Variants in MECOM observed in about 807,000 individuals in gnomAD.
MECOM encodes the protein MDS1 and EVI1 complex locus.
Under a neutral mutation model 116.3 loss-of-function variants are expected in MECOM, and 13 were observed. The observed-to-expected ratio is 0.11, with a 90% confidence interval of 0.07 to 0.18. MECOM has a LOEUF of 0.18. Among genes scored for constraint, MECOM ranks in the 10% least tolerant of loss-of-function variants. The pLI, the probability that MECOM is intolerant of heterozygous loss-of-function variation, is 1.00. For missense variants in MECOM, 1,299 were observed against 1,509.0 expected, an observed-to-expected ratio of 0.86 and a Z score of 2.31; for synonymous variants, 528 against 535.2, an observed-to-expected ratio of 0.99 and a Z score of 0.19.
chr3:169,395,055 A>T (rs1384465675), intron 1 of MECOM, among the ~76,000 whole-genome samples: 1 of 152,226 alleles, frequency 6.6e-6, no homozygotes, highest in African/African-American at 2.4e-5. Flanking sequence ...TATATACAAA[A>T]CAAATGAGCA....
chr3:169,095,583 AT>A (rs974529350), intron 12 of MECOM, among the ~76,000 whole-genome samples: 3 of 152,118 alleles, frequency 2.0e-5, no homozygotes, highest in African/African-American at 7.2e-5. Context: ...AATACAACTA[AT>A]TTTTTTGTAA....
chr3:169,287,506 AAAAC>A (rs1484667332), intron 2 of MECOM, among the ~76,000 whole-genome samples: 1 of 152,202 alleles, frequency 6.6e-6, no homozygotes, highest in Non-Finnish European at 1.5e-5. Context: ...AAAAAAATAA[AAAAC>A]AAAGCATAAT....
At chr3:169,483,424 A>G (rs925627717) in intron 1 of MECOM, among the ~76,000 whole-genome samples, 4 of 143,964 alleles carry the variant, frequency 2.8e-5, no homozygotes, top group Non-Finnish European at 3.0e-5. Flanking sequence ...TGCCTCCCCA[A>G]TGGCTGTCAG....
intron 1 of MECOM, among the ~76,000 whole-genome samples, chr3:169,442,798 G>A (rs760450529): frequency 6.6e-6 from 1 of 152,126 alleles, no homozygotes; most frequent in South Asian, 2.1e-4. Flanking sequence ...CACCACCATC[G>A]ATGAGGTTTT....
chr3:169,294,151 T>C (rs540249905), intron 2 of MECOM, among the ~76,000 whole-genome samples: 4 of 152,114 alleles, frequency 2.6e-5, no homozygotes, highest in Non-Finnish European at 5.9e-5. Context: ...AGTTGATTAG[T>C]GAGTTTTTTT....
intron 2 of MECOM, among the ~76,000 whole-genome samples, chr3:169,294,947 T>C (rs1185731784): frequency 6.6e-6 from 1 of 152,126 alleles, no homozygotes; most frequent in Admixed American, 6.6e-5. Flanking sequence ...TTTCCTCCAT[T>C]TGCTCTGATA....
intron 1 of MECOM, chr3:169,623,787 C>T (rs1236012081): frequency 6.6e-6 from 1 of 151,720 alleles, no homozygotes; most frequent in African/African-American, 2.4e-5. Flanking sequence ...AAAATGCTGT[C>T]TCCTAAAACA....
chr3:169,435,348 C>T (rs1742464027), intron 1 of MECOM, among the ~76,000 whole-genome samples: 2 of 152,094 alleles, frequency 1.3e-5, no homozygotes, highest in South Asian at 2.1e-4. Context: ...GGTGTACTAT[C>T]GGCTCATACA....
chr3:169,212,297 G>A (rs1377580293), intron 2 of MECOM, among the ~76,000 whole-genome samples: 1 of 151,932 alleles, frequency 6.6e-6, no homozygotes, highest in Non-Finnish European at 1.5e-5. Flanking sequence ...ATCAGATCAT[G>A]CCATCCCCTG....
At chr3:169,318,110 A>G (rs925402148) in intron 2 of MECOM, among the ~76,000 whole-genome samples, 1 of 152,200 alleles carries the variant, frequency 6.6e-6, no homozygotes, top group East Asian at 1.9e-4. Flanking sequence ...CACCTTACAC[A>G]AAGATTAACT....
intron 1 of MECOM, among the ~76,000 whole-genome samples, chr3:169,622,748 T>C (rs1332110271): frequency 6.6e-6 from 1 of 152,178 alleles, no homozygotes; most frequent in African/African-American, 2.4e-5. Flanking sequence ...AAAGATAAGA[T>C]AAAACTCTCA....
chr3:169,500,321 C>T (rs982536029), intron 1 of MECOM, among the ~76,000 whole-genome samples: 5 of 151,958 alleles, frequency 3.3e-5, no homozygotes, highest in African/African-American at 1.2e-4. Context: ...CCTGTATCTT[C>T]CATAAGTCTG....
At position 169,116,365 on chromosome 3, in the gene MECOM, G is replaced by A. The variant is rs1255000375; in HGVS notation, c.1507C>T (p.Pro503Ser). Residue 503 changes from proline (P) to serine (S), a missense_variant, in exon 8 of 17, where the codon CCT (proline) becomes TCT (serine). This residue lies in a region of MECOM where 238 missense variants were observed against 273.1 expected (regional missense o/e 0.87). Coordinates refer to ENST00000651503, the MANE Select transcript of MECOM (RefSeq NM_004991.4). ...GLFPSGLYHR[P>S]PLIPASSPVK... Reference sequence around the variant, plus strand: ...GGAGAACTAGCAGGTATCAAAGGAGGCCTGTGGTACAAGCCGGAAGGAAAC... The same window carrying A: ...GGAGAACTAGCAGGTATCAAAGGAGACCTGTGGTACAAGCCGGAAGGAAAC... 8 of 1,614,074 alleles carry A rather than the reference G, an allele frequency of 5.0e-6. No individual in the cohort carries two copies. The highest frequency in any genetic ancestry group is 6.8e-6 in the Non-Finnish European group (8 of 1,180,042).
chr3:169,419,515 C>A (rs183679334), intron 1 of MECOM, among the ~76,000 whole-genome samples: 130 of 152,222 alleles, frequency 8.5e-4, no homozygotes, highest in African/African-American at 3.1e-3. Flanking sequence ...CTACAGTAAC[C>A]AAATCAGCAT....
chr3:169,339,907 G>A (rs1724206137), intron 2 of MECOM, among the ~76,000 whole-genome samples: 1 of 152,048 alleles, frequency 6.6e-6, no homozygotes, highest in Admixed American at 6.6e-5. Context: ...GGGGGAAGTG[G>A]GAGGGCACCA....
intron 1 of MECOM, among the ~76,000 whole-genome samples, chr3:169,535,322 ATTCTAATAG>A: frequency 6.6e-6 from 1 of 152,272 alleles, no homozygotes; most frequent in South Asian, 2.1e-4. Context: ...AGTCCTATTC[ATTCTAATAG>A]TTGCTCCCAT....
chr3:169,156,453 TA>T (rs906209376), intron 2 of MECOM, among the ~76,000 whole-genome samples: 4 of 151,798 alleles, frequency 2.6e-5, no homozygotes, highest in Admixed American at 2.6e-4. Flanking sequence ...CAACTCTTGA[TA>T]AAAAAAAGTC....
chr3:169,131,465 C>A lies in MECOM; in HGVS notation c.577G>T (p.Asp193Tyr). The change falls in exon 4 of 17, where the codon GAC becomes TAC. Residue 193 changes from aspartate (D) to tyrosine (Y), a missense_variant. Asp to Tyr is a radical substitution (Grantham distance 160, BLOSUM62 -3). Coordinates refer to ENST00000651503, the MANE Select transcript of MECOM (RefSeq NM_004991.4). ...GGCGCCATAGTTTCATGGGGATAGTCTTCGCTCTTCATGAACAGCAGAAGC... is the reference window on the plus strand; with the variant it reads ...GGCGCCATAGTTTCATGGGGATAGTATTCGCTCTTCATGAACAGCAGAAGC... ...EELLLFMKSE[D>Y]YPHETMAPDI... The A allele has an allele frequency of 1.2e-6, 2 of 1,613,986 alleles. No homozygotes were observed. The highest frequency in any genetic ancestry group is 1.7e-6 in the Non-Finnish European group (2 of 1,179,986).
intron 1 of MECOM, among the ~76,000 whole-genome samples, chr3:169,662,989 T>G (rs1776514989): frequency 7.3e-6 from 1 of 137,804 alleles, no homozygotes; most frequent in Non-Finnish European, 1.6e-5. Flanking sequence ...TCCTCTTCTC[T>G]TCCCCCCCAC....
Sources: allele counts gnomAD v4.1 joint callset (sites outside exome capture counted in the v4.1 genomes callset), GRCh38; gene constraint gnomAD v4.1.1; regional missense constraint gnomAD v4.1.1; transcripts MANE v1.5; gene names NCBI Gene and HGNC (gene_info 2026-07-23, HGNC 2026-07-21).